SEMA4D: variants seen among roughly 807,000 people sequenced by gnomAD.
SEMA4D encodes semaphorin 4D.
Under a neutral mutation model 74.8 loss-of-function variants are expected in SEMA4D, and 22 were observed. That is an observed-to-expected ratio of 0.29 (90% CI 0.21 to 0.42). The LOEUF (loss-of-function observed/expected upper bound fraction) is 0.42, where lower values mean the gene tolerates loss of function less well. Ranked by LOEUF, SEMA4D falls within the 10% of genes least tolerant of loss-of-function variation. The pLI is 1.00. For missense variants in SEMA4D, 937 were observed against 1,118.4 expected (o/e 0.84, Z 2.31); for synonymous variants, 445 against 463.7 (o/e 0.96, Z 0.52).
intron 1 of SEMA4D, among the ~76,000 whole-genome samples, chr9:89,456,296 G>A (rs9410488): frequency 0.19 from 28,496 of 152,188 alleles, 2,976 homozygotes; most frequent in Middle Eastern, 0.29. Flanking sequence ...ATCACTAGGC[G>A]TGAGCTCTAG....
Position 89,371,356 on chromosome 9 carries a change from GGT to G in SEMA4D, c.1882+5475_1882+5476del, listed in dbSNP as rs1270794757. On this transcript the variant is annotated intron_variant, in intron 16 of 18. Coordinates refer to the SEMA4D transcript ENST00000339861. ...GTGTCTGGAGTGTGGTGTGTGTTGG[GGT>G]GTGTGTGTCTGGGGTGTGGCATGTG... 3.7e-5 allele frequency among the ~76,000 whole-genome samples: 5 copies of G among 136,828 alleles called. 1 individual carries two copies. Among genetic ancestry groups the G allele is most frequent in the African/African-American group, 1.1e-4 (4 of 36,130 alleles). 89.8% of individuals were successfully genotyped at this position (136,828 alleles called of 152,430 possible).
chr9:89,368,028 C>T (rs565292213), intron 16 of SEMA4D: 29 of 152,412 alleles, frequency 1.9e-4, no homozygotes, highest in African/African-American at 6.7e-4. Context: ...AGTGGCCTCG[C>T]CCTGAGGAAG....
chr9:89,480,606 CGGT>C (rs1365323913), intron 1 of SEMA4D, among the ~76,000 whole-genome samples: 2 of 152,238 alleles, frequency 1.3e-5, no homozygotes, highest in Non-Finnish European at 2.9e-5. Flanking sequence ...AGCACAGCGC[CGGT>C]GGGCCAGCAC....
chr9:89,487,973 T>G (rs1825321307), intron 1 of SEMA4D, among the ~76,000 whole-genome samples: 1 of 152,218 alleles, frequency 6.6e-6, no homozygotes, highest in African/African-American at 2.4e-5. Flanking sequence ...CAAGCAGGCT[T>G]GCTGTAGAAA....
At chr9:89,440,159 C>T (rs1243967354) in intron 2 of SEMA4D, among the ~76,000 whole-genome samples, 2 of 152,158 alleles carry the variant, frequency 1.3e-5, no homozygotes, top group Non-Finnish European at 2.9e-5. Flanking sequence ...TGTGGCATCT[C>T]CATCCACACC....
intron 1 of SEMA4D, among the ~76,000 whole-genome samples, chr9:89,474,925 G>A (rs780116593): frequency 2.0e-5 from 3 of 152,258 alleles, no homozygotes; most frequent in Non-Finnish European, 4.4e-5. Flanking sequence ...AAAAGTCCCA[G>A]AAAGCACTTC....
intron 1 of SEMA4D, among the ~76,000 whole-genome samples, chr9:89,477,046 G>A (rs369262850): frequency 6.6e-6 from 1 of 152,084 alleles, no homozygotes; most frequent in African/African-American, 2.4e-5. Context: ...AGAGTGGGGC[G>A]AGTTTTATCT....
chr9:89,403,676 AT>A (rs1037575489), intron 3 of SEMA4D, among the ~76,000 whole-genome samples: 7 of 152,026 alleles, frequency 4.6e-5, no homozygotes, highest in African/African-American at 1.2e-4. Flanking sequence ...TATCAGCATT[AT>A]TTTTTTTAGG....
chr9:89,396,724 C>T lies in SEMA4D; in HGVS notation c.414+13G>A, dbSNP rs1841048168. 6.2e-7 allele frequency: 1 copy of T among 1,607,748 alleles called. No homozygotes were observed. Among genetic ancestry groups the T allele is most frequent in the South Asian group, 1.1e-5 (1 of 90,264 alleles). On this transcript the variant is annotated intron_variant, in intron 6 of 15. Coordinates refer to ENST00000422704, the MANE Select transcript of SEMA4D (RefSeq NM_001371194.2). ...GGCTGGCGTGAGCACAGGGAGGTGC[C>T]CATCAGCCTTACCAGGTGGTCACAG...
intron 2 of SEMA4D, among the ~76,000 whole-genome samples, chr9:89,427,068 T>C (rs1359327601): frequency 2.6e-5 from 4 of 152,158 alleles, no homozygotes; most frequent in African/African-American, 9.7e-5. Context: ...AATGACCCTC[T>C]AGCTGAATGT....
intron 2 of SEMA4D, among the ~76,000 whole-genome samples, chr9:89,431,309 G>T (rs749519669): frequency 6.6e-6 from 1 of 152,212 alleles, no homozygotes; most frequent in Non-Finnish European, 1.5e-5. Flanking sequence ...GGGCTGGCTA[G>T]AACACCACCT....
intron 2 of SEMA4D, among the ~76,000 whole-genome samples, chr9:89,438,602 T>C (rs964563105): frequency 5.9e-5 from 9 of 152,220 alleles, no homozygotes; most frequent in African/African-American, 1.9e-4. Flanking sequence ...TTAGGGATAT[T>C]TGAGGCAAAA....
Position 89,391,273 on chromosome 9 carries a change from T to C in SEMA4D, c.765A>G (p.Arg255=). Residue 255 remains arginine, a synonymous_variant, in exon 9 of 16, where the codon AGA becomes AGG. Coordinates refer to ENST00000422704, the MANE Select transcript of SEMA4D (RefSeq NM_001371194.2). ...VFRVLIPRIA[R]VCKGDQGGLR... ...AGTGCCTGGCACTCACCTTGCACAC[T>C]CTTGCTATCCGTGGGATCAGCACCC... 6.2e-7 allele frequency: 1 copy of C among 1,614,184 alleles called. No individual in the cohort carries two copies. Among genetic ancestry groups the C allele is most frequent in the Non-Finnish European group, 8.5e-7 (1 of 1,180,004 alleles).
exon 19 of SEMA4D, chr9:89,361,927 A>C (rs1054736608): frequency 5.8e-6 from 1 of 172,578 alleles, no homozygotes; most frequent in African/African-American, 2.4e-5. Context: ...AGCAGGCTTG[A>C]TTTGCATCAA....
At chr9:89,372,437 G>A (rs1447968299), downstream of SEMA4D, among the ~76,000 whole-genome samples, 10 of 151,586 alleles carry the variant, frequency 6.6e-5, no homozygotes, top group East Asian at 1.9e-4. Flanking sequence ...GTCCCTGCCC[G>A]TCCTTCACGG....
rs557846709 is a variant in SEMA4D, at chr9:89,398,778, C to T, written c.315+498G>A. ...ACCCAAAACAGCTGGCCAGATCCCA[C>T]ACTTGCTCACTCATGTGCTCCCTCC... On this transcript the variant is annotated intron_variant, in intron 5 of 15. Coordinates refer to ENST00000422704, the MANE Select transcript of SEMA4D (RefSeq NM_001371194.2). Among the ~76,000 whole-genome samples, 7 of 152,352 alleles carry T rather than the reference C, an allele frequency of 4.6e-5. No homozygotes were observed. The South Asian group carries it at 1.4e-3, about 32-fold the overall frequency.
At chr9:89,449,721 G>A (rs1236488202) in intron 2 of SEMA4D, 14 of 1,513,940 alleles carry the variant, frequency 9.2e-6, no homozygotes, top group South Asian at 5.6e-5. Flanking sequence ...AGGTGATGCC[G>A]TGATTATGCA....
intron 2 of SEMA4D, among the ~76,000 whole-genome samples, chr9:89,417,440 G>A (rs1460284053): frequency 6.6e-6 from 1 of 152,204 alleles, no homozygotes; most frequent in African/African-American, 2.4e-5. Context: ...CTGGCAGCAG[G>A]ACTCTTTAAA....
chr9:89,469,135 A>G (rs192129241), intron 1 of SEMA4D, among the ~76,000 whole-genome samples: 1 of 152,184 alleles, frequency 6.6e-6, no homozygotes, highest in East Asian at 1.9e-4. Flanking sequence ...TAGACATTAA[A>G]AAGGAACATG....
Sources: gnomAD v4.1 joint callset for allele counts (sites outside exome capture counted in the v4.1 genomes callset) on GRCh38, gnomAD v4.1.1 for gene constraint, MANE v1.5 for transcripts, NCBI Gene and HGNC (gene_info 2026-07-23, HGNC 2026-07-21) for gene names.